The following TMEM98 variants were observed in gnomAD, a reference collection of about 807,000 sequenced individuals.
The protein encoded by TMEM98 is transmembrane protein 98.
TMEM98 carries 18 observed loss-of-function variants against 25.0 expected under a neutral mutation model. That is an observed-to-expected ratio of 0.72 (90% CI 0.50 to 1.07). The LOEUF is 1.07. TMEM98 is among the 50% of genes least tolerant of loss of function. The pLI, the probability that TMEM98 is intolerant of heterozygous loss-of-function variation, is 0.00. For synonymous variants in TMEM98, 103 were observed against 112.4 expected, an observed-to-expected ratio of 0.92 and a Z score of 0.53; for missense variants, 241 against 289.0, an observed-to-expected ratio of 0.83 and a Z score of 1.20.
chr17:32,936,315 C>G lies in TMEM98; in HGVS notation c.298-17C>G. 3 of 1,609,230 alleles carry G rather than the reference C, an allele frequency of 1.9e-6. No individual in the cohort carries two copies. The highest frequency in any genetic ancestry group is 2.6e-6 in the Non-Finnish European group (3 of 1,176,130). Reference sequence around the variant, plus strand: ...GAGCCAGGTCAGCCCTCATCTCTCTCCTCCCTGCCGCATTAGATTTGTCAC... The same window carrying G: ...GAGCCAGGTCAGCCCTCATCTCTCTGCTCCCTGCCGCATTAGATTTGTCAC... On this transcript the variant is annotated splice_polypyrimidine_tract_variant and intron_variant, in intron 5 of 7. Coordinates refer to ENST00000579849, the MANE Select transcript of TMEM98 (RefSeq NM_015544.3).
At chr17:32,938,085 G>A (rs929375140) in intron 6 of TMEM98, among the ~76,000 whole-genome samples, 2 of 152,180 alleles carry the variant, frequency 1.3e-5, no homozygotes, top group African/African-American at 4.8e-5. Context: ...TAAGATGAGG[G>A]TGTGGCATTG....
intron 6 of TMEM98, among the ~76,000 whole-genome samples, chr17:32,937,681 A>G (rs1205265045): frequency 6.6e-6 from 1 of 151,856 alleles, no homozygotes; most frequent in Non-Finnish European, 1.5e-5. Flanking sequence ...ACCCCCACCT[A>G]CCGGGTTCAA....
chr17:32,939,338 T>G (rs1598204197), intron 6 of TMEM98, 139 bp from the exon 7 acceptor site: 1 of 750,342 alleles, frequency 1.3e-6, no homozygotes, highest in Non-Finnish European at 2.1e-6. Context: ...GCCTGGGAGG[T>G]GGATGTTGCA....
At chr17:32,939,421 A>AAAGGG (rs33945172) in intron 6 of TMEM98, 56 bp from the exon 7 acceptor site, 1 of 1,422,472 alleles carries the variant, frequency 7.0e-7, no homozygotes, top group Non-Finnish European at 9.2e-7. Flanking sequence ...AAAAAAAAAA[A>AAAGGG]AGGAGAAAAG....
At chr17:32,931,744 C>G in intron 3 of TMEM98, 85 bp downstream of exon 3, 1 of 1,495,972 alleles carries the variant, frequency 6.7e-7, no homozygotes, top group Non-Finnish European at 8.9e-7. Flanking sequence ...TGTTGGGCAA[C>G]TCTAACTCAG....
intron 5 of TMEM98, among the ~76,000 whole-genome samples, chr17:32,934,972 A>C (rs1170945033): frequency 6.6e-6 from 1 of 152,104 alleles, no homozygotes; most frequent in Non-Finnish European, 1.5e-5. Flanking sequence ...TAATAGAATA[A>C]TAACTATACT....
chr17:32,933,159 G>T lies in TMEM98; in HGVS notation c.132-15G>T, dbSNP rs746292544. ...ACCCACCATGAAACCATTTAACGGG[G>T]GCCTTTTCTTCCAGGCCCATTGTGG... On this transcript the variant is annotated splice_polypyrimidine_tract_variant and intron_variant, in intron 3 of 7. Coordinates refer to ENST00000579849, the MANE Select transcript of TMEM98 (RefSeq NM_015544.3). 4 of 1,613,864 alleles carry T rather than the reference G, an allele frequency of 2.5e-6. No homozygotes were observed. In the Admixed American group the frequency reaches 6.7e-5, roughly 27 times the overall value.
In TMEM98 at chr17:32,933,333, G is replaced by C. The variant is rs29018; in HGVS notation, c.263+28G>C. On this transcript the variant is annotated intron_variant, in intron 4 of 7. Transcript: ENST00000579849. ...AAGGCCATGGGAACTGTTTGCTTCCGGGCTTCTGGCAAATGATGCCCTTTG... is the reference window on the plus strand; with the variant it reads ...AAGGCCATGGGAACTGTTTGCTTCCCGGCTTCTGGCAAATGATGCCCTTTG... 6 of 1,613,248 alleles carry C rather than the reference G, an allele frequency of 3.7e-6. No individual in the cohort carries two copies. The African/African-American group carries it at 8.0e-5, about 22-fold the overall frequency.
chr17:32,939,544 CA>C lies in TMEM98; in HGVS notation c.473+9del, dbSNP rs762303272. On this transcript the variant is annotated intron_variant, in intron 7 of 7. Transcript: ENST00000579849. ...CAAACTCCTGGACGCACGGTGAGACCAGGGGTGGGTGCATGTTCGGTTTTTC... is the reference window on the plus strand; with the variant it reads ...CAAACTCCTGGACGCACGGTGAGACCGGGGTGGGTGCATGTTCGGTTTTTC... 2.5e-6 allele frequency: 4 copies of C among 1,614,102 alleles called. No homozygotes were observed. The highest frequency in any genetic ancestry group is 2.5e-6 in the Non-Finnish European group (3 of 1,179,960).
chr17:32,939,409 GAAA>G (rs534652551), intron 6 of TMEM98, 65 bp from the exon 7 acceptor site: 88 of 1,280,280 alleles, frequency 6.9e-5, no homozygotes, highest in East Asian at 2.6e-4. Flanking sequence ...TCTGTCTCAG[GAAA>G]AAAAAAAAAA....
At chr17:32,938,073 C>T (rs981948248) in intron 6 of TMEM98, among the ~76,000 whole-genome samples, 3 of 152,088 alleles carry the variant, frequency 2.0e-5, no homozygotes, top group Admixed American at 2.0e-4. Flanking sequence ...CAGCACGGGT[C>T]CTAAGATGAG....
chr17:32,934,478 C>T (rs951006762), intron 5 of TMEM98, 154 bp downstream of exon 5: 1 of 738,918 alleles, frequency 1.4e-6, no homozygotes, highest in South Asian at 1.8e-5. Flanking sequence ...TTACTTCCCC[C>T]CCTGCCTGGA....
chr17:32,931,435 C>T, intron 2 of TMEM98, 33 bp downstream of exon 2: 1 of 1,500,904 alleles, frequency 6.7e-7, no homozygotes, highest in African/African-American at 1.4e-5. Context: ...TCTTTCGTGG[C>T]TTCTTGACCA....
chr17:32,929,269 A>G (rs1455242466), intron 1 of TMEM98, among the ~76,000 whole-genome samples: 2 of 151,852 alleles, frequency 1.3e-5, no homozygotes, highest in African/African-American at 2.4e-5. Context: ...CACGCACACT[A>G]ACACAAACAC....
Position 32,933,056 on chromosome 17 carries a change from C to T in TMEM98, c.132-118C>T, listed in dbSNP as rs916198687. 4.2e-6 allele frequency: 6 copies of T among 1,417,036 alleles called. No homozygotes were observed. In the African/African-American group the frequency reaches 4.3e-5, roughly 10 times the overall value. The allele number at this position is 1,417,036 out of a possible 1,614,324, so 87.8% of individuals were successfully genotyped here. A position where few individuals can be genotyped will look rare whatever the true frequency, so the allele number is the denominator to read the frequency against. ...TAGGTTTGGATCCGGGACAAGTGGT[C>T]TCTGCCCTAGCTTACTGACTCCCTT... On this transcript the variant is annotated intron_variant, in intron 3 of 7. Coordinates refer to ENST00000579849, the MANE Select transcript of TMEM98 (RefSeq NM_015544.3).
At chr17:32,934,426 C>A in intron 5 of TMEM98, 102 bp downstream of exon 5, 2 of 1,327,482 alleles carry the variant, frequency 1.5e-6, no homozygotes, top group Non-Finnish European at 2.1e-6. Context: ...TGACCTCTCG[C>A]AAGAGGCCTT....
At position 32,942,826 on chromosome 17, in the gene TMEM98, A is replaced by G. The variant is rs2091537526; in HGVS notation, c.*1833A>G. ...TTTGAGGCCTCCACAGTAAACATCC[A>G]GAGTCATCCTATTTTTGTCTTTTTA... On this transcript the variant is annotated 3_prime_UTR_variant, in exon 8 of 8. Coordinates refer to ENST00000579849, the MANE Select transcript of TMEM98 (RefSeq NM_015544.3). The G allele has an allele frequency of 6.6e-6, 1 of 152,218 alleles. No homozygotes were observed. Among genetic ancestry groups the G allele is most frequent in the Non-Finnish European group, 1.5e-5 (1 of 68,030 alleles). The allele number at this position is 152,218 out of a possible 1,614,324, so 9.4% of individuals were successfully genotyped here. A position where few individuals can be genotyped will look rare whatever the true frequency, so the allele number is the denominator to read the frequency against.
intron 6 of TMEM98, among the ~76,000 whole-genome samples, chr17:32,936,816 C>A (rs2091499213): frequency 6.6e-6 from 1 of 152,206 alleles, no homozygotes; most frequent in African/African-American, 2.4e-5. Context: ...CACACAGATG[C>A]CCACACCCCT....
intron 7 of TMEM98, 107 bp downstream of exon 7, chr17:32,939,643 G>A: frequency 1.4e-6 from 2 of 1,412,744 alleles, no homozygotes; most frequent in Non-Finnish European, 9.9e-7. Context: ...GGGTGGCTTT[G>A]CAGCCTCCTT....
Sources: allele counts gnomAD v4.1 joint callset (sites outside exome capture counted in the v4.1 genomes callset), GRCh38; gene constraint gnomAD v4.1.1; transcripts MANE v1.5; gene names NCBI Gene and HGNC (gene_info 2026-07-23, HGNC 2026-07-21).